Variants in NHSL1 observed in about 807,000 individuals in gnomAD.
NHSL1 encodes NHS-like protein 1.
Under a neutral mutation model 95.0 loss-of-function variants are expected in NHSL1, and 48 were observed. That is an observed-to-expected ratio of 0.51 (90% confidence interval 0.40 to 0.64). The LOEUF is 0.64. Ranked by LOEUF, NHSL1 falls within the 30% of genes least tolerant of loss-of-function variation. NHSL1 has a pLI of 0.00. For missense variants in NHSL1, 1,971 were observed against 2,077.7 expected, an observed-to-expected ratio of 0.95 and a Z score of 1.00; for synonymous variants, 783 against 833.9, an observed-to-expected ratio of 0.94 and a Z score of 1.05.
intron 1 of NHSL1, chr6:138,571,466 G>A (rs879838179): frequency 2.2e-6 from 1 of 456,602 alleles, no homozygotes; most frequent in African/African-American, 2.0e-5. Context: ...AGGGAGGGAG[G>A]CTGCCGAGAA....
chr6:138,597,196 C>T (rs974658842), intron 1 of NHSL1, among the ~76,000 whole-genome samples: 11 of 152,046 alleles, frequency 7.2e-5, no homozygotes, highest in South Asian at 4.2e-4. Context: ...CTGCAAACAG[C>T]GAATAGAATA....
chr6:138,505,475 G>T (rs886684729), intron 1 of NHSL1, among the ~76,000 whole-genome samples: 1 of 151,940 alleles, frequency 6.6e-6, no homozygotes, highest in Non-Finnish European at 1.5e-5. Flanking sequence ...CTAAAATGGT[G>T]AAACCCCGTC....
chr6:138,445,736 C>A, intron 4 of NHSL1, among the ~76,000 whole-genome samples: 1 of 152,196 alleles, frequency 6.6e-6, no homozygotes, highest in Non-Finnish European at 1.5e-5. Context: ...AGCTTTCTAA[C>A]AGCAGTAGCC....
intron 1 of NHSL1, among the ~76,000 whole-genome samples, chr6:138,673,362 T>C (rs2114767578): frequency 6.6e-6 from 1 of 151,646 alleles, no homozygotes; most frequent in East Asian, 1.9e-4. Flanking sequence ...GCCCCATTAA[T>C]ATAAACACAC....
chr6:138,522,574 G>A (rs1388123843), intron 1 of NHSL1, among the ~76,000 whole-genome samples: 1 of 152,186 alleles, frequency 6.6e-6, no homozygotes, highest in Non-Finnish European at 1.5e-5. Context: ...CCGGGAGGCG[G>A]AGGTTGCAGT....
intron 1 of NHSL1, among the ~76,000 whole-genome samples, chr6:138,534,693 T>G (rs942383017): frequency 6.6e-6 from 1 of 152,190 alleles, no homozygotes; most frequent in African/African-American, 2.4e-5. Context: ...CTATCAAACT[T>G]GGTCAATAAA....
intron 1 of NHSL1, among the ~76,000 whole-genome samples, chr6:138,604,783 G>A (rs1192958559): frequency 6.6e-6 from 1 of 152,014 alleles, no homozygotes; most frequent in Admixed American, 6.6e-5. Flanking sequence ...GTGCCACCAA[G>A]CCTGGCTAAT....
At chr6:138,583,521 C>T (rs1022667922) in intron 1 of NHSL1, among the ~76,000 whole-genome samples, 16 of 152,136 alleles carry the variant, frequency 1.1e-4, no homozygotes, top group Non-Finnish European at 2.1e-4. Flanking sequence ...AGAGATGCTG[C>T]GCTTCACCCG....
At chr6:138,548,348 G>C (rs1053389284), upstream of NHSL1, among the ~76,000 whole-genome samples, 1 of 152,182 alleles carries the variant, frequency 6.6e-6, no homozygotes, top group Non-Finnish European at 1.5e-5. Flanking sequence ...GAAAAGTAAA[G>C]AGAATCTCAT....
intron 1 of NHSL1, among the ~76,000 whole-genome samples, chr6:138,638,128 T>C (rs1274523667): frequency 6.6e-6 from 1 of 152,102 alleles, no homozygotes; most frequent in Admixed American, 6.6e-5. Flanking sequence ...AAACATAACA[T>C]GTTCTCACTT....
intron 1 of NHSL1, among the ~76,000 whole-genome samples, chr6:138,614,212 C>A (rs943370853): frequency 6.6e-5 from 10 of 152,118 alleles, no homozygotes; most frequent in Non-Finnish European, 4.4e-5. Flanking sequence ...TAAAGAGAGG[C>A]AATTCAGCTG....
chr6:138,509,247 A>G (rs551411013), intron 1 of NHSL1, among the ~76,000 whole-genome samples: 9 of 152,382 alleles, frequency 5.9e-5, no homozygotes, highest in African/African-American at 1.9e-4. Context: ...GAAATTTTAT[A>G]GAAAAAAATT....
intron 1 of NHSL1, among the ~76,000 whole-genome samples, chr6:138,521,822 G>A (rs1413177909): frequency 1.3e-5 from 2 of 152,094 alleles, no homozygotes; most frequent in Admixed American, 6.6e-5. Context: ...AGGTCAGGGC[G>A]GGAGATTTTA....
intron 1 of NHSL1, among the ~76,000 whole-genome samples, chr6:138,619,334 G>A (rs925298195): frequency 1.3e-5 from 2 of 152,024 alleles, no homozygotes; most frequent in Admixed American, 1.3e-4. Flanking sequence ...GCAAAACTCT[G>A]TCTCAAAAAA....
At chr6:138,498,488 C>A (rs1369614584) in intron 1 of NHSL1, among the ~76,000 whole-genome samples, 1 of 152,156 alleles carries the variant, frequency 6.6e-6, no homozygotes, top group Non-Finnish European at 1.5e-5. Context: ...TTACCAATGC[C>A]CCTACCCATG....
intron 1 of NHSL1, among the ~76,000 whole-genome samples, chr6:138,540,404 C>T (rs903962691): frequency 6.6e-6 from 1 of 152,138 alleles, no homozygotes; most frequent in African/African-American, 2.4e-5. Context: ...TAGCTTATTA[C>T]CAGATTTAAG....
At chr6:138,650,256 T>C (rs776083064) in intron 1 of NHSL1, 19 of 645,156 alleles carry the variant, frequency 2.9e-5, no homozygotes, top group Middle Eastern at 2.6e-4. Context: ...TGACACCCAG[T>C]GGAAAAGCAG....
chr6:138,548,882 C>G (rs1290475841), upstream of NHSL1, among the ~76,000 whole-genome samples: 1 of 150,650 alleles, frequency 6.6e-6, no homozygotes, highest in Non-Finnish European at 1.5e-5. Context: ...TTCTTGCCTA[C>G]TGCCATCTCA....
At chr6:138,495,432 CA>C (rs1320702712) in intron 2 of NHSL1, among the ~76,000 whole-genome samples, 1 of 152,188 alleles carries the variant, frequency 6.6e-6, no homozygotes, top group African/African-American at 2.4e-5. Context: ...AGCATGTCTT[CA>C]AAGTCTATAC....
Sources: allele counts gnomAD v4.1 joint callset (sites outside exome capture counted in the v4.1 genomes callset), GRCh38; gene constraint gnomAD v4.1.1; transcripts MANE v1.5; gene names NCBI Gene and HGNC (gene_info 2026-07-23, HGNC 2026-07-21).